GRM8: variants seen among roughly 807,000 people sequenced by gnomAD.
GRM8 encodes the protein glutamate metabotropic receptor 8.
Under a neutral mutation model 87.2 loss-of-function variants are expected in GRM8, and 47 were observed. That is an observed-to-expected ratio of 0.54 (90% CI 0.43 to 0.69). The LOEUF (loss-of-function observed/expected upper bound fraction) is 0.69, where lower values mean the gene tolerates loss of function less well. Among genes scored for constraint, GRM8 ranks in the 30% least tolerant of loss-of-function variants. The pLI is 0.00. For synonymous variants in GRM8, 396 were observed against 404.5 expected (o/e 0.98, Z 0.25); for missense variants, 1,019 against 1,139.2 (o/e 0.89, Z 1.52).
At chr7:127,027,199 T>G (rs1336175545) in intron 3 of GRM8, among the ~76,000 whole-genome samples, 6 of 152,182 alleles carry the variant, frequency 3.9e-5, no homozygotes, top group Non-Finnish European at 8.8e-5. Context: ...TCTATATATC[T>G]GTTTTGGTAC....
intron 3 of GRM8, among the ~76,000 whole-genome samples, chr7:126,922,058 C>T (rs948401112): frequency 5.1e-4 from 77 of 152,020 alleles, no homozygotes; most frequent in African/African-American, 1.8e-3. Flanking sequence ...AATGGATGGG[C>T]TGTTTGAGGT....
At chr7:126,882,943 G>A (rs1278013874) in intron 6 of GRM8, among the ~76,000 whole-genome samples, 3 of 152,216 alleles carry the variant, frequency 2.0e-5, no homozygotes, top group African/African-American at 7.2e-5. Flanking sequence ...GAAGGCTGAA[G>A]GCTGTGTCTA....
chr7:126,544,616 T>C (rs1392648791), intron 8 of GRM8, among the ~76,000 whole-genome samples: 1 of 152,046 alleles, frequency 6.6e-6, no homozygotes, highest in Non-Finnish European at 1.5e-5. Flanking sequence ...GTTCAGACGA[T>C]TCTCCTGCCT....
At chr7:126,448,433 T>C (rs1381908052) in intron 9 of GRM8, among the ~76,000 whole-genome samples, 5 of 151,938 alleles carry the variant, frequency 3.3e-5, no homozygotes, top group Non-Finnish European at 7.4e-5. Context: ...ACCAAAAATA[T>C]AAATAATAGT....
intron 3 of GRM8, among the ~76,000 whole-genome samples, chr7:127,095,142 G>A (rs1038791044): frequency 6.6e-6 from 1 of 152,196 alleles, no homozygotes; most frequent in Non-Finnish European, 1.5e-5. Context: ...AGAATACAGG[G>A]ATGGGTCCAT....
At chr7:126,701,926 G>T (rs1414284521) in intron 7 of GRM8, 3 of 406,866 alleles carry the variant, frequency 7.4e-6, no homozygotes, top group African/African-American at 2.1e-5. Context: ...TTCTGTCTTA[G>T]TATAATTATT....
intron 2 of GRM8, among the ~76,000 whole-genome samples, chr7:127,107,079 C>G (rs1432747226): frequency 6.6e-6 from 1 of 152,180 alleles, no homozygotes; most frequent in Admixed American, 6.5e-5. Context: ...AAGGCATATA[C>G]ATCAGAAAAG....
chr7:126,788,826 G>C (rs1180675182), intron 6 of GRM8, among the ~76,000 whole-genome samples: 2 of 149,708 alleles, frequency 1.3e-5, no homozygotes, highest in Non-Finnish European at 3.0e-5. Context: ...AAAAAAAAAA[G>C]GTCCATTGTT....
chr7:127,206,482 T>C (rs745483431), intron 2 of GRM8, among the ~76,000 whole-genome samples: 11 of 152,194 alleles, frequency 7.2e-5, no homozygotes, highest in Admixed American at 1.3e-4. Flanking sequence ...CTAAATAAAC[T>C]TTGATAAAAT....
At position 126,872,139 on chromosome 7, in the gene GRM8, T is replaced by C. The variant is rs983658326; in HGVS notation, c.1156+30403A>G. Among the ~76,000 whole-genome samples, 17 of 152,154 alleles carry C rather than the reference T, an allele frequency of 1.1e-4. 1 individual carries two copies. The highest frequency in any genetic ancestry group is 4.1e-4 in the African/African-American group (17 of 41,438). On this transcript the variant is annotated intron_variant, in intron 6 of 10. Coordinates refer to ENST00000339582, the MANE Select transcript of GRM8 (RefSeq NM_000845.3). The stretch of plus-strand genomic sequence containing the variant: ...CCTGCTCTTGATCTTTGCATGTGCA[T>C]AGGATGGAAGGAAGGGAAGGGACTC...
chr7:126,446,452 A>C (rs990411226), intron 9 of GRM8, 80 bp from the exon 10 acceptor site: 2 of 964,716 alleles, frequency 2.1e-6, no homozygotes, highest in African/African-American at 3.3e-5. Flanking sequence ...TATTTTCTAA[A>C]ATTGTTCCAG....
At chr7:126,757,560 T>C (rs1817150569) in intron 7 of GRM8, among the ~76,000 whole-genome samples, 1 of 152,210 alleles carries the variant, frequency 6.6e-6, no homozygotes, top group Admixed American at 6.5e-5. Flanking sequence ...CTATTTGAAT[T>C]ACTTTTTTAA....
chr7:126,637,483 T>TTAAA (rs915246613), intron 7 of GRM8, among the ~76,000 whole-genome samples: 134 of 152,004 alleles, frequency 8.8e-4, no homozygotes, highest in African/African-American at 3.0e-3. Flanking sequence ...AAAAAAGAAG[T>TTAAA]TAAATAAATA....
At chr7:126,678,633 A>C (rs1423771400) in intron 7 of GRM8, among the ~76,000 whole-genome samples, 14 of 152,232 alleles carry the variant, frequency 9.2e-5, no homozygotes, top group Non-Finnish European at 2.9e-5. Flanking sequence ...TGTCAAAAAA[A>C]ATTATTTTGT....
chr7:127,014,943 GAA>G (rs372101459), intron 3 of GRM8, among the ~76,000 whole-genome samples: 6,350 of 127,546 alleles, frequency 0.05, 265 homozygotes, highest in East Asian at 0.12. Context: ...GAGAGAGAGA[GAA>G]AGAGAGAGAG....
chr7:126,853,155 A>T (rs181424747), intron 6 of GRM8, among the ~76,000 whole-genome samples: 1 of 152,196 alleles, frequency 6.6e-6, no homozygotes, highest in East Asian at 1.9e-4. Flanking sequence ...CAGCCATTTT[A>T]TGTTAACAGT....
intron 7 of GRM8, among the ~76,000 whole-genome samples, chr7:126,717,038 G>A (rs1811829368): frequency 6.6e-6 from 1 of 152,126 alleles, no homozygotes; most frequent in Admixed American, 6.5e-5. Context: ...GAAGAAATAG[G>A]GAGTAAGATC....
intron 3 of GRM8, among the ~76,000 whole-genome samples, chr7:127,067,353 T>G (rs1821220449): frequency 6.6e-6 from 1 of 152,110 alleles, no homozygotes; most frequent in African/African-American, 2.4e-5. Context: ...TAGTAACAGG[T>G]GCCGTATTCT....
intron 2 of GRM8, among the ~76,000 whole-genome samples, chr7:127,157,768 G>A (rs11563488): frequency 0.12 from 18,974 of 152,086 alleles, 1,260 homozygotes; most frequent in Non-Finnish European, 0.15. Context: ...TTTATAGTAC[G>A]ATACCACTGA....
Sources: allele counts gnomAD v4.1 joint callset (sites outside exome capture counted in the v4.1 genomes callset), GRCh38; gene constraint gnomAD v4.1.1; transcripts MANE v1.5; gene names NCBI Gene and HGNC (gene_info 2026-07-23, HGNC 2026-07-21).